MTUS2: variants seen among roughly 807,000 people sequenced by gnomAD.
MTUS2 encodes microtubule-associated tumor suppressor candidate 2.
A neutral mutation model predicts 114.1 loss-of-function variants in MTUS2; 40 were observed. The observed-to-expected ratio is 0.35, with a 90% CI of 0.27 to 0.46. The LOEUF is 0.46. Among genes scored for constraint, MTUS2 ranks in the 20% least tolerant of loss-of-function variants. The pLI is 1.00. For missense variants in MTUS2, 1,679 were observed against 1,705.4 expected, an observed-to-expected ratio of 0.98 and a Z score of 0.27; for synonymous variants, 688 against 672.0, an observed-to-expected ratio of 1.02 and a Z score of -0.37.
intron 2 of MTUS2, among the ~76,000 whole-genome samples, chr13:28,855,613 T>G (rs1390430542): frequency 2.0e-5 from 3 of 152,216 alleles, no homozygotes; most frequent in African/African-American, 4.8e-5. Context: ...CTCATTCCTT[T>G]TTATGGCTGC....
intron 8 of MTUS2, among the ~76,000 whole-genome samples, chr13:29,370,082 G>A (rs182618251): frequency 1.3e-5 from 2 of 152,320 alleles, no homozygotes; most frequent in East Asian, 3.9e-4. Context: ...AGGCATAGTG[G>A]CTCATGCCTA....
At chr13:29,228,377 G>A (rs553189091) in intron 5 of MTUS2, among the ~76,000 whole-genome samples, 44 of 152,284 alleles carry the variant, frequency 2.9e-4, no homozygotes, top group African/African-American at 1.0e-3. Context: ...CTGAAGTACA[G>A]TGACGTGACC....
chr13:28,832,532 A>C (rs1044079180), intron 1 of MTUS2, among the ~76,000 whole-genome samples: 11 of 151,570 alleles, frequency 7.3e-5, no homozygotes, highest in Admixed American at 6.6e-4. Context: ...GCTGTTAATG[A>C]CTGTATGAAC....
chr13:29,401,302 C>T (rs1043206457), intron 8 of MTUS2, among the ~76,000 whole-genome samples: 1 of 152,132 alleles, frequency 6.6e-6, no homozygotes, highest in Non-Finnish European at 1.5e-5. Flanking sequence ...CCATGCCCGG[C>T]CACAAATATT....
intron 5 of MTUS2, among the ~76,000 whole-genome samples, chr13:29,151,521 C>G (rs12872688): frequency 0.33 from 49,357 of 151,848 alleles, 8,324 homozygotes; most frequent in Middle Eastern, 0.41. Context: ...GTTTGGATGC[C>G]TTTATTTCTT....
intron 5 of MTUS2, among the ~76,000 whole-genome samples, chr13:29,226,059 G>A (rs1896095804): frequency 6.6e-6 from 1 of 152,166 alleles, no homozygotes; most frequent in Admixed American, 6.5e-5. Flanking sequence ...GTACTTTCTA[G>A]TGTTCTGCTG....
At chr13:28,893,410 G>A (rs976695206) in intron 2 of MTUS2, among the ~76,000 whole-genome samples, 1 of 152,162 alleles carries the variant, frequency 6.6e-6, no homozygotes, top group African/African-American at 2.4e-5. Flanking sequence ...ACATAGACGG[G>A]AAGTGGCCAA....
At chr13:29,437,610 A>G (rs4406919) in intron 8 of MTUS2, among the ~76,000 whole-genome samples, 95,526 of 151,842 alleles carry the variant, frequency 0.63, 30,764 homozygotes, top group Non-Finnish European at 0.71. Flanking sequence ...ACCACGTCAA[A>G]AATTAAGCAA....
chr13:29,071,680 C>A (rs563291986), intron 4 of MTUS2, among the ~76,000 whole-genome samples: 1 of 152,096 alleles, frequency 6.6e-6, no homozygotes, highest in Admixed American at 6.5e-5. Context: ...CCCGCTTTGG[C>A]CTCCCAAAGT....
intron 1 of MTUS2, among the ~76,000 whole-genome samples, chr13:28,832,014 T>A (rs1275572298): frequency 1.3e-5 from 2 of 152,190 alleles, no homozygotes; most frequent in Non-Finnish European, 2.9e-5. Context: ...TCTGCCTGCC[T>A]CAGCCTCCCC....
In MTUS2 at chr13:29,136,183, G is replaced by A. The variant is rs149663442; in HGVS notation, c.2644+35213G>A. The stretch of plus-strand genomic sequence containing the variant: ...ACCTGCCCTCCTTTTAGCATTTCTC[G>A]CAGGGCATGTCTGTTGATTAGGAAC... On this transcript the variant is annotated intron_variant, in intron 5 of 15. Transcript: ENST00000612955. Among the ~76,000 whole-genome samples, 415 of 152,110 alleles carry A rather than the reference G, an allele frequency of 2.7e-3. 1 individual carries two copies. Among genetic ancestry groups the A allele is most frequent in the African/African-American group, 9.3e-3 (386 of 41,476 alleles).
intron 4 of MTUS2, among the ~76,000 whole-genome samples, chr13:29,082,252 C>T (rs535698845): frequency 1.3e-5 from 2 of 152,292 alleles, no homozygotes; most frequent in African/African-American, 2.4e-5. Context: ...GACTTCTAGC[C>T]TGCAGCACTG....
In MTUS2 at chr13:28,968,408, G is replaced by C. The variant is rs185398143; in HGVS notation, c.-242-56049G>C. On this transcript the variant is annotated intron_variant, in intron 2 of 15. Transcript: ENST00000612955. Reference sequence around the variant, plus strand: ...AATGGCAAAATTTTTAAAAAGTGTAGTTATGATTTTTATATCAGTGAATAT... The same window carrying C: ...AATGGCAAAATTTTTAAAAAGTGTACTTATGATTTTTATATCAGTGAATAT... Among the ~76,000 whole-genome samples the C allele has an allele frequency of 3.6e-3, 554 of 152,242 alleles. 3 individuals are homozygous for C. Among genetic ancestry groups the C allele is most frequent in the African/African-American group, 0.013 (533 of 41,530 alleles).
intron 4 of MTUS2, among the ~76,000 whole-genome samples, chr13:29,064,003 A>C (rs1387430748): frequency 6.6e-6 from 1 of 152,236 alleles, no homozygotes; most frequent in Non-Finnish European, 1.5e-5. Flanking sequence ...CAGTGATAGA[A>C]AGCATGAGGC....
At chr13:28,916,900 G>A (rs1267864926) in intron 2 of MTUS2, among the ~76,000 whole-genome samples, 2 of 151,412 alleles carry the variant, frequency 1.3e-5, no homozygotes, top group Non-Finnish European at 3.0e-5. Flanking sequence ...ACTAGCTGTG[G>A]GTGTATGACA....
chr13:29,158,911 A>G (rs1243133065), intron 5 of MTUS2, among the ~76,000 whole-genome samples: 1 of 152,160 alleles, frequency 6.6e-6, no homozygotes, highest in Non-Finnish European at 1.5e-5. Flanking sequence ...CCAGCGGGAG[A>G]CTGGCATAAA....
chr13:29,025,680 C>A lies in MTUS2; in HGVS notation c.982C>A (p.Gln328Lys). The A allele has an allele frequency of 1.2e-6, 2 of 1,613,938 alleles. No homozygotes were observed. Among genetic ancestry groups the A allele is most frequent in the Non-Finnish European group, 1.7e-6 (2 of 1,179,876 alleles). ...RRVEQEGKAA[Q>K]EGYLGCHKEE... The stretch of plus-strand genomic sequence containing the variant: ...AGTTGAACAGGAGGGAAAGGCAGCC[C>A]AGGAAGGGTATCTGGGATGCCACAA... The change falls in exon 3 of 16, where the codon CAG becomes AAG. Residue 328 changes from glutamine to lysine, a missense_variant. By Grantham distance (53) the Gln-to-Lys change is moderately conservative (BLOSUM62 1). This residue lies in a region of MTUS2 where 843 missense variants were observed against 770.8 expected (regional missense o/e 1.09). Coordinates refer to ENST00000612955, the MANE Select transcript of MTUS2 (RefSeq NM_001033602.4).
At chr13:29,252,156 G>C (rs904230370) in intron 5 of MTUS2, among the ~76,000 whole-genome samples, 17 of 152,058 alleles carry the variant, frequency 1.1e-4, no homozygotes, top group Non-Finnish European at 2.4e-4. Context: ...ACAGGTAATA[G>C]TATTTTTATA....
intron 2 of MTUS2, among the ~76,000 whole-genome samples, chr13:28,990,118 A>G (rs1405611119): frequency 6.6e-6 from 1 of 152,142 alleles, no homozygotes; most frequent in Non-Finnish European, 1.5e-5. Context: ...TTCAACATGT[A>G]TCTATGAATT....
Sources: gnomAD v4.1 joint callset for allele counts (sites outside exome capture counted in the v4.1 genomes callset) on GRCh38, gnomAD v4.1.1 for gene constraint, gnomAD v4.1.1 regional missense constraint, MANE v1.5 for transcripts, NCBI Gene and HGNC (gene_info 2026-07-23, HGNC 2026-07-21) for gene names.